MACROD2: variants seen among roughly 807,000 people sequenced by gnomAD.
MACROD2 encodes mono-ADP ribosylhydrolase 2.
In MACROD2, 36 loss-of-function variants were observed where a neutral mutation model predicts 70.4. The observed-to-expected ratio is 0.51, with a 90% confidence interval of 0.39 to 0.68. The LOEUF (loss-of-function observed/expected upper bound fraction) is 0.68. Among genes scored for constraint, MACROD2 ranks in the 30% least tolerant of loss-of-function variants. The pLI is 0.00. For missense variants in MACROD2, 496 were observed against 538.4 expected (o/e 0.92, Z 0.78); for synonymous variants, 172 against 178.8 (o/e 0.96, Z 0.30).
chr20:14,398,424 T>C (rs2083603160), intron 3 of MACROD2, among the ~76,000 whole-genome samples: 4 of 147,870 alleles, frequency 2.7e-5, no homozygotes, highest in Admixed American at 2.7e-4. Flanking sequence ...TTTTTTTTGG[T>C]CTTTTTGATA....
intron 5 of MACROD2, among the ~76,000 whole-genome samples, chr20:14,938,618 T>TA (rs2074361793): frequency 1.3e-5 from 2 of 151,976 alleles, no homozygotes; most frequent in African/African-American, 2.4e-5. Flanking sequence ...TCAGCTCTAC[T>TA]AAAAAAACAA....
chr20:14,827,762 T>C (rs2072918585), intron 5 of MACROD2, among the ~76,000 whole-genome samples: 1 of 152,094 alleles, frequency 6.6e-6, no homozygotes, highest in Non-Finnish European at 1.5e-5. Flanking sequence ...GCCTTCATTA[T>C]TCAGAGTATT....
intron 6 of MACROD2, among the ~76,000 whole-genome samples, chr20:15,341,484 C>T (rs1237200347): frequency 6.6e-6 from 1 of 152,136 alleles, no homozygotes. Flanking sequence ...CCAGAGAATT[C>T]TATATACTTG....
At chr20:15,161,777 G>A (rs448155) in intron 5 of MACROD2, among the ~76,000 whole-genome samples, 1 of 151,728 alleles carries the variant, frequency 6.6e-6, no homozygotes, top group African/African-American at 2.4e-5. Context: ...TAATTTCTAC[G>A]TAGATGCAGA....
At chr20:14,941,854 G>A (rs2074392812) in intron 5 of MACROD2, among the ~76,000 whole-genome samples, 1 of 151,616 alleles carries the variant, frequency 6.6e-6, no homozygotes, top group African/African-American at 2.4e-5. Context: ...TGCGACCATG[G>A]CTCACTGCAG....
chr20:14,981,232 G>T (rs1009901999), intron 5 of MACROD2, among the ~76,000 whole-genome samples: 1 of 151,946 alleles, frequency 6.6e-6, no homozygotes, highest in African/African-American at 2.4e-5. Flanking sequence ...CACTTCCTTA[G>T]CAATATTAAA....
chr20:15,462,938 C>T (rs1373126784), intron 7 of MACROD2, among the ~76,000 whole-genome samples: 1 of 152,132 alleles, frequency 6.6e-6, no homozygotes, highest in Admixed American at 6.6e-5. Flanking sequence ...AGCCACTATT[C>T]TATAGTAATA....
intron 5 of MACROD2, among the ~76,000 whole-genome samples, chr20:14,954,415 A>G (rs2074501177): frequency 6.7e-6 from 1 of 149,564 alleles, no homozygotes; most frequent in South Asian, 2.1e-4. Context: ...GAACACGGTA[A>G]AACCTCCCTG....
intron 8 of MACROD2, among the ~76,000 whole-genome samples, chr20:15,787,506 C>CT (rs2051949892): frequency 6.6e-6 from 1 of 152,066 alleles, no homozygotes; most frequent in South Asian, 2.1e-4. Context: ...TTGTTCCTAT[C>CT]TTTATGTCCA....
chr20:15,642,075 C>G (rs1446434248), intron 8 of MACROD2, among the ~76,000 whole-genome samples: 1 of 152,112 alleles, frequency 6.6e-6, no homozygotes, highest in African/African-American at 2.4e-5. Flanking sequence ...TCTTTCCTGT[C>G]TACTCAGTAT....
At chr20:14,809,841 G>T (rs1478109444) in intron 5 of MACROD2, among the ~76,000 whole-genome samples, 1 of 151,992 alleles carries the variant, frequency 6.6e-6, no homozygotes, top group African/African-American at 2.4e-5. Context: ...TAGAAGAAAT[G>T]GATAAATTCC....
chr20:15,917,205 A>G (rs940074718), intron 10 of MACROD2, among the ~76,000 whole-genome samples: 1 of 152,150 alleles, frequency 6.6e-6, no homozygotes, highest in African/African-American at 2.4e-5. Flanking sequence ...AAAAGATCCA[A>G]TTTATCTTAC....
chr20:15,647,880 G>A (rs372942482), intron 8 of MACROD2, among the ~76,000 whole-genome samples: 3 of 151,956 alleles, frequency 2.0e-5, no homozygotes, highest in South Asian at 2.1e-4. Flanking sequence ...CCACCGCATC[G>A]GCTAATTTTT....
chr20:15,955,268 G>A (rs768282577), intron 12 of MACROD2, among the ~76,000 whole-genome samples: 4 of 152,132 alleles, frequency 2.6e-5, no homozygotes, highest in South Asian at 2.1e-4. Flanking sequence ...TCATTAATTC[G>A]TTGCTGACAC....
chr20:14,110,462 G>A (rs2148684868), intron 3 of MACROD2, among the ~76,000 whole-genome samples: 2 of 152,042 alleles, frequency 1.3e-5, no homozygotes, highest in South Asian at 4.1e-4. Flanking sequence ...CAGATGGTAT[G>A]ATCTTATATT....
chr20:14,396,527 A>T (rs2083581027), intron 3 of MACROD2, among the ~76,000 whole-genome samples: 1 of 152,066 alleles, frequency 6.6e-6, no homozygotes, highest in African/African-American at 2.4e-5. Context: ...ATTTTCTTGT[A>T]TTAGTGTTAG....
chr20:14,310,934 A>T (rs954494835), intron 3 of MACROD2, among the ~76,000 whole-genome samples: 2 of 152,230 alleles, frequency 1.3e-5, no homozygotes, highest in African/African-American at 4.8e-5. Flanking sequence ...GTGCCGCTGT[A>T]CAACGCGTTT....
At chr20:15,504,156 G>C (rs1347868464) in intron 8 of MACROD2, among the ~76,000 whole-genome samples, 2 of 152,120 alleles carry the variant, frequency 1.3e-5, no homozygotes, top group Non-Finnish European at 2.9e-5. Flanking sequence ...CACACCCAGA[G>C]AGGTCTGACT....
chr20:15,082,770 C>T (rs2075715344), intron 5 of MACROD2, among the ~76,000 whole-genome samples: 1 of 151,958 alleles, frequency 6.6e-6, no homozygotes, highest in Admixed American at 6.6e-5. Context: ...ATAATTGTGA[C>T]ATTTCTTTTC....
Sources: gnomAD v4.1 joint callset for allele counts (sites outside exome capture counted in the v4.1 genomes callset) on GRCh38, gnomAD v4.1.1 for gene constraint, MANE v1.5 for transcripts, NCBI Gene and HGNC (gene_info 2026-07-23, HGNC 2026-07-21) for gene names.